Variants in LOXHD1 observed in about 807,000 individuals in gnomAD.
LOXHD1 encodes lipoxygenase homology PLAT domains 1, also known as lipoxygenase homology domain-containing protein 1.
In LOXHD1, 205 loss-of-function variants were observed where a neutral mutation model predicts 248.2. The ratio of observed to expected loss-of-function variants is 0.83; its 90% CI spans 0.74 to 0.93. The LOEUF (loss-of-function observed/expected upper bound fraction) is 0.93. LOXHD1 is among the 40% of genes least tolerant of loss of function. LOXHD1 has a pLI of 0.00. For missense variants in LOXHD1, 2,930 were observed against 2,971.6 expected (o/e 0.99, Z 0.33); for synonymous variants, 1,113 against 1,162.8 (o/e 0.96, Z 0.87).
intron 12 of LOXHD1, among the ~76,000 whole-genome samples, chr18:46,586,589 G>C (rs1202564129): frequency 6.7e-6 from 1 of 150,032 alleles, no homozygotes; most frequent in Non-Finnish European, 1.5e-5. Context: ...GGGATTACAG[G>C]TACCTGCGAC....
intron 4 of LOXHD1, among the ~76,000 whole-genome samples, chr18:46,638,252 A>C (rs2038917521): frequency 6.6e-6 from 1 of 152,228 alleles, no homozygotes; most frequent in African/African-American, 2.4e-5. Flanking sequence ...AGTATTCTTC[A>C]TGTTTGCATA....
chr18:46,538,170 G>A lies in LOXHD1; in HGVS notation c.4081C>T (p.Arg1361Cys), dbSNP rs751692581. ...KQFFERKSAS[R>C]FIVELEDVGE... The stretch of plus-strand genomic sequence containing the variant: ...AGCCCAAGTACCTCTACGATGAAGC[G>A]GGAGGCAGACTTCCTCTCAAAGAAC... Residue 1361 changes from arginine (R) to cysteine (C), a missense_variant, in exon 26 of 41, where the codon CGC becomes TGC. Arg to Cys is a radical substitution (Grantham distance 180). Coordinates refer to ENST00000642948, the MANE Select transcript of LOXHD1 (RefSeq NM_001384474.1). The A allele has an allele frequency of 2.3e-5, 36 of 1,532,522 alleles. No individual in the cohort carries two copies. The highest frequency in any genetic ancestry group is 1.3e-4 in the South Asian group (11 of 83,692). The allele number at this position is 1,532,522 out of a possible 1,614,324, so 94.9% of individuals were successfully genotyped here.
chr18:46,566,129 C>T, intron 17 of LOXHD1, 128 bp downstream of exon 17: 1 of 999,922 alleles, frequency 1.0e-6, no homozygotes, highest in Non-Finnish European at 1.4e-6. Context: ...CCCCCATTTT[C>T]TCCCTGCAGG....
At chr18:46,506,418 C>T (rs1343061551) in intron 36 of LOXHD1, among the ~76,000 whole-genome samples, 1 of 152,180 alleles carries the variant, frequency 6.6e-6, no homozygotes, top group Non-Finnish European at 1.5e-5. Flanking sequence ...TCTGTGTTCC[C>T]TAAATCTGTC....
intron 21 of LOXHD1, among the ~76,000 whole-genome samples, 155 bp downstream of exon 21, chr18:46,557,201 G>A (rs775565418): frequency 7.4e-5 from 8 of 108,266 alleles, no homozygotes; most frequent in Non-Finnish European, 1.3e-4. Flanking sequence ...TGGATGTCAC[G>A]GCCAGTACAC....
At chr18:46,500,358 T>C (rs2034149386) in intron 37 of LOXHD1, among the ~76,000 whole-genome samples, 1 of 152,188 alleles carries the variant, frequency 6.6e-6, no homozygotes, top group Non-Finnish European at 1.5e-5. Flanking sequence ...GGCCTTCAAA[T>C]TAAACTCATC....
At chr18:46,567,049 C>T (rs757830567) in intron 16 of LOXHD1, among the ~76,000 whole-genome samples, 2 of 152,176 alleles carry the variant, frequency 1.3e-5, no homozygotes, top group Non-Finnish European at 2.9e-5. Flanking sequence ...AATTGCTTTG[C>T]GATTTTGCAT....
chr18:46,646,174 A>T (rs2144392327), intron 2 of LOXHD1, among the ~76,000 whole-genome samples: 1 of 152,172 alleles, frequency 6.6e-6, no homozygotes, highest in South Asian at 2.1e-4. Flanking sequence ...TGTGGAGGGG[A>T]TGGGAGGGCA....
chr18:46,558,052 G>A, intron 20 of LOXHD1: 1 of 986,752 alleles, frequency 1.0e-6, no homozygotes, highest in Non-Finnish European at 1.2e-6. Flanking sequence ...ACCACACCAG[G>A]AACCTATAAG....
chr18:46,532,407 G>A (rs891967847), intron 28 of LOXHD1, among the ~76,000 whole-genome samples: 1 of 152,294 alleles, frequency 6.6e-6, no homozygotes, highest in African/African-American at 2.4e-5. Flanking sequence ...GTGTGTGTCT[G>A]TATGTGTACA....
intron 2 of LOXHD1, among the ~76,000 whole-genome samples, chr18:46,643,115 C>T (rs74384095): frequency 0.01 from 1,595 of 152,296 alleles, 7 homozygotes; most frequent in Non-Finnish European, 0.016. Context: ...AGCTGTGATT[C>T]TGTGAACGGA....
rs1205224129 is a variant in LOXHD1 at position 46,529,238 on chromosome 18, T to A, written c.4469A>T (p.Asp1490Val). Residue 1490 changes from aspartate to valine, a missense_variant, in exon 29 of 41, where the codon GAC becomes GTC. By Grantham distance (152) the Asp-to-Val change is radical. Coordinates refer to ENST00000642948, the MANE Select transcript of LOXHD1 (RefSeq NM_001384474.1). ...VYITIYGDLG[D>V]TGERYLGKSE... ...CTTGCCAAGGTATCGCTCCCCAGTG[T>A]CCCCGAGGTCTCCATAGATGGTGAT... is the stretch of plus-strand genomic sequence containing the variant. 2 of 1,551,578 alleles carry A rather than the reference T, an allele frequency of 1.3e-6. No individual in the cohort carries two copies. Among genetic ancestry groups the A allele is most frequent in the Non-Finnish European group, 8.7e-7 (1 of 1,146,958 alleles).
chr18:46,644,459 T>TG, intron 2 of LOXHD1, among the ~76,000 whole-genome samples: 1 of 152,216 alleles, frequency 6.6e-6, no homozygotes, highest in South Asian at 2.1e-4. Context: ...GGCTTATGCC[T>TG]ATAATCACAG....
intron 36 of LOXHD1, among the ~76,000 whole-genome samples, chr18:46,506,895 G>T (rs1031900461): frequency 9.9e-5 from 15 of 152,192 alleles, no homozygotes; most frequent in African/African-American, 3.4e-4. Flanking sequence ...GGATAGGGGA[G>T]TGTAGGTAGG....
chr18:46,585,829 G>A (rs984374296), intron 12 of LOXHD1, among the ~76,000 whole-genome samples: 2 of 152,144 alleles, frequency 1.3e-5, no homozygotes, highest in African/African-American at 4.8e-5. Context: ...AATTTAAAAT[G>A]GTACAGCTAT....
chr18:46,579,842 C>T, intron 12 of LOXHD1, 58 bp from the exon 13 acceptor site: 2 of 1,509,792 alleles, frequency 1.3e-6, no homozygotes, highest in East Asian at 2.5e-5. Context: ...CATCCCTAGC[C>T]CTGCTGCTCC....
At chr18:46,550,586 A>AAAAAAAAAG in intron 21 of LOXHD1, among the ~76,000 whole-genome samples, 1 of 147,210 alleles carries the variant, frequency 6.8e-6, no homozygotes, top group African/African-American at 2.5e-5. Flanking sequence ...TCTCAAAAAA[A>AAAAAAAAAG]AAAAAAAAAA....
intron 38 of LOXHD1, among the ~76,000 whole-genome samples, chr18:46,486,880 GC>G (rs2033093967): frequency 6.6e-6 from 1 of 152,216 alleles, no homozygotes; most frequent in South Asian, 2.1e-4. Context: ...AACACATGTT[GC>G]TAGTCACATC....
intron 36 of LOXHD1, among the ~76,000 whole-genome samples, chr18:46,506,890 G>C (rs1476949711): frequency 2.0e-5 from 3 of 152,166 alleles, no homozygotes; most frequent in Non-Finnish European, 4.4e-5. Flanking sequence ...GCTTGGGATA[G>C]GGGAGTGTAG....
Sources: gnomAD v4.1 joint callset for allele counts (sites outside exome capture counted in the v4.1 genomes callset) on GRCh38, gnomAD v4.1.1 for gene constraint, MANE v1.5 for transcripts, NCBI Gene and HGNC (gene_info 2026-07-23, HGNC 2026-07-21) for gene names.